The following PDE7A variants were observed in gnomAD, a reference collection of about 807,000 sequenced individuals.
The protein encoded by PDE7A is high affinity 3',5'-cyclic-AMP phosphodiesterase 7A.
In PDE7A, 39 loss-of-function variants were observed where a neutral mutation model predicts 64.3. The observed-to-expected ratio is 0.61, with a 90% confidence interval of 0.47 to 0.79. PDE7A has a LOEUF of 0.79. PDE7A is among the 30% of genes least tolerant of loss of function. The pLI, the probability that PDE7A is intolerant of heterozygous loss-of-function variation, is 0.00. For synonymous variants in PDE7A, 203 were observed against 206.8 expected, an observed-to-expected ratio of 0.98 and a Z score of 0.16; for missense variants, 470 against 582.8, an observed-to-expected ratio of 0.81 and a Z score of 1.99.
intron 1 of PDE7A, among the ~76,000 whole-genome samples, chr8:65,818,239 G>A (rs1008393303): frequency 2.0e-5 from 3 of 151,850 alleles, no homozygotes; most frequent in African/African-American, 2.4e-5. Flanking sequence ...TCGTGTATGC[G>A]TCACCCTCTG....
chr8:65,782,444 A>G (rs1809444250), intron 2 of PDE7A, among the ~76,000 whole-genome samples: 1 of 152,196 alleles, frequency 6.6e-6, no homozygotes, highest in South Asian at 2.1e-4. Context: ...TCACAGCCTC[A>G]CCTTTGTCCA....
intron 9 of PDE7A, among the ~76,000 whole-genome samples, chr8:65,725,884 T>C (rs2129066102): frequency 6.6e-6 from 1 of 152,300 alleles, no homozygotes; most frequent in Admixed American, 6.5e-5. Flanking sequence ...ATAATTTACA[T>C]ATACAGTGTG....
rs910645409 is a variant in PDE7A at position 65,779,622 on chromosome 8, A to G, written c.283+98T>C. The G allele has an allele frequency of 2.3e-4, 151 of 645,808 alleles. 1 individual carries two copies. In the Middle Eastern group the frequency reaches 6.4e-3, roughly 27 times the overall value. The allele number at this position is 645,808 out of a possible 1,614,324, so 40.0% of individuals were successfully genotyped here. ...TTTAAAAACATTCCAAACATAATAG[A>G]GTTTTTTTTCTGGTATTCTTTTTCC... On this transcript the variant is annotated intron_variant, in intron 3 of 12. Transcript: ENST00000401827.
chr8:65,719,307 C>G lies in PDE7A; in HGVS notation c.1432G>C (p.Glu478Gln). ...TCTGGGGGTTATGATAACCGATTTTCCTGAGGTAATAACTGTGAGTTCAAC... is the reference window on the plus strand; with the variant it reads ...TCTGGGGGTTATGATAACCGATTTTGCTGAGGTAATAACTGTGAGTTCAAC... ...FELNSQLLPQ[E>Q]NRLS Residue 478 changes from glutamate (E) to glutamine (Q), a missense_variant, in exon 13 of 13, where the codon GAA becomes CAA. Glu to Gln is a conservative substitution (Grantham distance 29, BLOSUM62 2). Transcript: ENST00000401827. 6.2e-7 allele frequency: 1 copy of G among 1,613,694 alleles called. No individual in the cohort carries two copies. The highest frequency in any genetic ancestry group is 1.1e-5 in the South Asian group (1 of 91,072).
chr8:65,822,102 T>C (rs1810555430), intron 1 of PDE7A, among the ~76,000 whole-genome samples: 1 of 152,196 alleles, frequency 6.6e-6, no homozygotes, highest in Non-Finnish European at 1.5e-5. Flanking sequence ...AGGTAAGGGC[T>C]GCCTATAGTC....
At chr8:65,794,470 C>A (rs1049369390) in intron 1 of PDE7A, among the ~76,000 whole-genome samples, 2 of 150,998 alleles carry the variant, frequency 1.3e-5, no homozygotes, top group Non-Finnish European at 2.9e-5. Flanking sequence ...TATAAACAGA[C>A]CAATACTTGT....
chr8:65,769,172 A>T (rs1253666866), intron 3 of PDE7A, among the ~76,000 whole-genome samples: 1 of 148,242 alleles, frequency 6.7e-6, no homozygotes, highest in Non-Finnish European at 1.5e-5. Flanking sequence ...TGCTTGAACC[A>T]GGGAGTTGGT....
intron 1 of PDE7A, among the ~76,000 whole-genome samples, chr8:65,822,190 T>A (rs1585946661): frequency 6.6e-6 from 1 of 152,202 alleles, no homozygotes; most frequent in African/African-American, 2.4e-5. Flanking sequence ...GTAAAGTCTT[T>A]AAGGGGCTGG....
intron 1 of PDE7A, among the ~76,000 whole-genome samples, chr8:65,837,277 C>T (rs1045961647): frequency 6.6e-6 from 1 of 152,148 alleles, no homozygotes; most frequent in African/African-American, 2.4e-5. Flanking sequence ...GAAGGGTATG[C>T]ATACAAAGGA....
intron 1 of PDE7A, among the ~76,000 whole-genome samples, chr8:65,792,345 T>G (rs945823348): frequency 6.6e-6 from 1 of 152,226 alleles, no homozygotes; most frequent in Non-Finnish European, 1.5e-5. Flanking sequence ...AAAGCAGACC[T>G]CACTATTTTA....
At chr8:65,796,141 A>G (rs1172520712) in intron 1 of PDE7A, among the ~76,000 whole-genome samples, 1 of 151,892 alleles carries the variant, frequency 6.6e-6, no homozygotes, top group African/African-American at 2.4e-5. Context: ...ACTAAAAAAA[A>G]AAACATGAAT....
intron 1 of PDE7A, among the ~76,000 whole-genome samples, chr8:65,807,668 G>A (rs542816596): frequency 7.2e-5 from 11 of 152,190 alleles, no homozygotes; most frequent in Non-Finnish European, 1.3e-4. Flanking sequence ...TGGGTTTCTT[G>A]TAGATGCCCT....
rs570437582 is a variant in PDE7A, at chr8:65,752,985, T to A, written c.284-5182A>T. Among the ~76,000 whole-genome samples, 10 of 152,360 alleles carry A rather than the reference T, an allele frequency of 6.6e-5. 1 individual carries two copies. The highest frequency in any genetic ancestry group is 2.4e-4 in the African/African-American group (10 of 41,592). On this transcript the variant is annotated intron_variant, in intron 3 of 12. Coordinates refer to ENST00000401827, the MANE Select transcript of PDE7A (RefSeq NM_001242318.3). Reference sequence around the variant, plus strand: ...TATTTTCTGATTCTGAATGTACATGTCTAATGCAACTGAACTCCTTTTGTT... The same window carrying A: ...TATTTTCTGATTCTGAATGTACATGACTAATGCAACTGAACTCCTTTTGTT...
chr8:65,761,942 C>A (rs1808516880), intron 3 of PDE7A, among the ~76,000 whole-genome samples: 1 of 152,164 alleles, frequency 6.6e-6, no homozygotes, highest in Non-Finnish European at 1.5e-5. Context: ...TGTTTTCCCA[C>A]AACCGATGTC....
At position 65,799,390 on chromosome 8, in the gene PDE7A, T is replaced by C. The variant is rs142379090; in HGVS notation, c.139-16547A>G. Among the ~76,000 whole-genome samples the C allele has an allele frequency of 1.1e-4, 17 of 152,120 alleles. No homozygotes were observed. In the East Asian group the frequency reaches 1.7e-3, roughly 16 times the overall value. The stretch of plus-strand genomic sequence containing the variant: ...TGTCAACCATAATAGGGAGTCTGAA[T>C]TGCATGCAAAGACAAAAGGAAGTCA... On this transcript the variant is annotated intron_variant, in intron 1 of 12. Coordinates refer to ENST00000401827, the MANE Select transcript of PDE7A (RefSeq NM_001242318.3).
At chr8:65,793,668 A>G (rs973168395) in intron 1 of PDE7A, among the ~76,000 whole-genome samples, 1 of 152,212 alleles carries the variant, frequency 6.6e-6, no homozygotes, top group Non-Finnish European at 1.5e-5. Flanking sequence ...GATTACATGC[A>G]TATTTTAATG....
chr8:65,746,157 C>T (rs1398629754), intron 4 of PDE7A, among the ~76,000 whole-genome samples: 1 of 150,098 alleles, frequency 6.7e-6, no homozygotes, highest in African/African-American at 2.5e-5. Flanking sequence ...TGGTTTCAAA[C>T]TCCTGGACTC....
In PDE7A at chr8:65,727,253, C is replaced by T. The variant is rs773911088; in HGVS notation, c.745G>A (p.Ala249Thr). The part of the protein sequence containing the change: ...PWDILLSLIA[A>T]ATHDLDHPGV... ...GGATGATCCAGATCATGAGTGGCAG[C>T]TGCAATTAAGCTCAGCAAGATATCC... The change falls in exon 8 of 13, where the codon GCT becomes ACT. Residue 249 changes from alanine to threonine, a missense_variant. By Grantham distance (58) the Ala-to-Thr change is moderately conservative (BLOSUM62 0). Transcript: ENST00000401827. 2 of 1,613,430 alleles carry T rather than the reference C, an allele frequency of 1.2e-6. No homozygotes were observed. Among genetic ancestry groups the T allele is most frequent in the Non-Finnish European group, 8.5e-7 (1 of 1,179,672 alleles).
intron 1 of PDE7A, among the ~76,000 whole-genome samples, chr8:65,801,409 AAAGT>A (rs1401798870): frequency 6.6e-6 from 1 of 152,204 alleles, no homozygotes; most frequent in Non-Finnish European, 1.5e-5. Context: ...TGCAACAAGT[AAAGT>A]AATGAAGCTG....
Sources: allele counts gnomAD v4.1 joint callset (sites outside exome capture counted in the v4.1 genomes callset), GRCh38; gene constraint gnomAD v4.1.1; transcripts MANE v1.5; gene names NCBI Gene and HGNC (gene_info 2026-07-23, HGNC 2026-07-21).